MYBL2: variants seen among roughly 807,000 people sequenced by gnomAD.
The protein encoded by MYBL2 is myb-related protein B.
MYBL2 carries 28 observed loss-of-function variants against 79.9 expected under a neutral mutation model. The observed-to-expected ratio is 0.35, with a 90% CI of 0.26 to 0.48. The LOEUF (loss-of-function observed/expected upper bound fraction) is 0.48. Among genes scored for constraint, MYBL2 ranks in the 20% least tolerant of loss-of-function variants. MYBL2 has a pLI of 0.99. For missense variants in MYBL2, 735 were observed against 893.9 expected (o/e 0.82, Z 2.27); for synonymous variants, 378 against 361.2 (o/e 1.05, Z -0.53).
At chr20:43,692,440 G>A in intron 6 of MYBL2, 121 bp downstream of exon 6, 7 of 1,258,464 alleles carry the variant, frequency 5.6e-6, no homozygotes, top group Non-Finnish European at 7.7e-6. Context: ...AGTGGGCTCT[G>A]TGCTTCTGGG....
chr20:43,695,976 C>CT (rs1283812744), intron 6 of MYBL2, among the ~76,000 whole-genome samples: 2 of 152,058 alleles, frequency 1.3e-5, no homozygotes, highest in Non-Finnish European at 2.9e-5. Flanking sequence ...CGAGTTCGCA[C>CT]TGCTGCACTC....
At chr20:43,687,256 TG>T (rs1236154784) in intron 5 of MYBL2, among the ~76,000 whole-genome samples, 184 bp downstream of exon 5, 4 of 152,182 alleles carry the variant, frequency 2.6e-5, no homozygotes, top group African/African-American at 4.8e-5. Context: ...GGGAAGGCCC[TG>T]TCTTCTGTCA....
chr20:43,686,047 A>C (rs1987265470), intron 4 of MYBL2, among the ~76,000 whole-genome samples: 1 of 152,220 alleles, frequency 6.6e-6, no homozygotes, highest in Admixed American at 6.5e-5. Flanking sequence ...CAAAAAAAAT[A>C]AATAAAAAAT....
intron 2 of MYBL2, among the ~76,000 whole-genome samples, chr20:43,677,018 A>T (rs1053356663): frequency 6.6e-6 from 1 of 152,178 alleles, no homozygotes; most frequent in African/African-American, 2.4e-5. Flanking sequence ...TGTTGGGATT[A>T]CAGGCAGAAG....
At chr20:43,685,931 G>A (rs1251459455) in intron 4 of MYBL2, among the ~76,000 whole-genome samples, 1 of 152,110 alleles carries the variant, frequency 6.6e-6, no homozygotes, top group Non-Finnish European at 1.5e-5. Flanking sequence ...CAGCTACTTG[G>A]GAGGCTGAGG....
Position 43,711,602 on chromosome 20 carries a change from G to A in MYBL2, c.1719+1G>A. The A allele has an allele frequency of 6.2e-7, 1 of 1,610,840 alleles. No individual in the cohort carries two copies. The highest frequency in any genetic ancestry group is 8.5e-7 in the Non-Finnish European group (1 of 1,178,408). ...CGAGAAGCAGAAGAGGAAGCCTGGGGTGAGTAGGGTAGGGGTGGGAGAGCC... is the reference window on the plus strand; with the variant it reads ...CGAGAAGCAGAAGAGGAAGCCTGGGATGAGTAGGGTAGGGGTGGGAGAGCC... On this transcript the variant is annotated splice_donor_variant, in intron 11 of 13. Coordinates refer to ENST00000217026, the MANE Select transcript of MYBL2 (RefSeq NM_002466.4). LOFTEE classifies it high-confidence loss of function.
intron 9 of MYBL2, among the ~76,000 whole-genome samples, chr20:43,707,201 AAAAAG>A (rs1987811653): frequency 6.6e-6 from 1 of 151,404 alleles, no homozygotes; most frequent in Non-Finnish European, 1.5e-5. Context: ...TTTTTAAAAA[AAAAAG>A]AGAAAAAAGA....
In MYBL2 at chr20:43,673,788, G is replaced by A. The variant is rs764207763; in HGVS notation, c.21-18G>A. The A allele has an allele frequency of 8.3e-6, 13 of 1,571,800 alleles. No individual in the cohort carries two copies. The Admixed American group carries it at 2.0e-4, about 25-fold the overall frequency. On this transcript the variant is annotated intron_variant, in intron 1 of 13. Coordinates refer to ENST00000217026, the MANE Select transcript of MYBL2 (RefSeq NM_002466.4). ...TATGGACACACCATCCTTGACCCTTGGCCTGCTTTCCCCATAGCGAGGATC... is the reference window on the plus strand; with the variant it reads ...TATGGACACACCATCCTTGACCCTTAGCCTGCTTTCCCCATAGCGAGGATC...
intron 1 of MYBL2, among the ~76,000 whole-genome samples, chr20:43,668,093 G>A (rs1986765276): frequency 6.6e-6 from 1 of 152,010 alleles, no homozygotes; most frequent in African/African-American, 2.4e-5. Flanking sequence ...TGCGCCTGGG[G>A]CCTGAGCTCC....
intron 1 of MYBL2, among the ~76,000 whole-genome samples, chr20:43,668,237 G>A (rs1249230763): frequency 2.2e-5 from 3 of 134,428 alleles, no homozygotes; most frequent in Non-Finnish European, 3.1e-5. Context: ...GTCTCGCTCT[G>A]ATGCCCAGGC....
chr20:43,672,555 A>G (rs562162800), intron 1 of MYBL2, among the ~76,000 whole-genome samples: 3 of 152,168 alleles, frequency 2.0e-5, no homozygotes, highest in Non-Finnish European at 4.4e-5. Flanking sequence ...AGATGAGCCT[A>G]GGCAAAATAG....
At position 43,699,690 on chromosome 20, in the gene MYBL2, T is replaced by C. The variant is rs1987635722; in HGVS notation, c.664-67T>C. ...CTTCTTAGATTCAGGTTGTGTGGTTTAGCTGGAAACTACTATATAGTCTAT... is the reference window on the plus strand; with the variant it reads ...CTTCTTAGATTCAGGTTGTGTGGTTCAGCTGGAAACTACTATATAGTCTAT... On this transcript the variant is annotated intron_variant, in intron 6 of 13. Coordinates refer to ENST00000217026, the MANE Select transcript of MYBL2 (RefSeq NM_002466.4). 6.6e-6 allele frequency: 10 copies of C among 1,514,672 alleles called. No individual in the cohort carries two copies. The South Asian group carries it at 1.3e-4, about 19-fold the overall frequency. 93.8% of individuals were successfully genotyped at this position (1,514,672 alleles called of 1,614,324 possible).
At chr20:43,677,419 TA>T (rs1190023915) in intron 2 of MYBL2, among the ~76,000 whole-genome samples, 1 of 152,102 alleles carries the variant, frequency 6.6e-6, no homozygotes, top group African/African-American at 2.4e-5. Context: ...TAAGGAAACT[TA>T]TGTGGAGAAA....
chr20:43,674,995 T>C (rs1221446368), intron 2 of MYBL2, among the ~76,000 whole-genome samples: 1 of 152,202 alleles, frequency 6.6e-6, no homozygotes, highest in Non-Finnish European at 1.5e-5. Flanking sequence ...TTTTAATTCC[T>C]TTTTGAGACA....
At chr20:43,680,602 A>G (rs537985362) in intron 2 of MYBL2, among the ~76,000 whole-genome samples, 24 of 151,778 alleles carry the variant, frequency 1.6e-4, no homozygotes, top group East Asian at 3.9e-4. Flanking sequence ...GGTTCAAGCA[A>G]TTCTTCCTCA....
chr20:43,683,416 G>C (rs1987189039), intron 4 of MYBL2, among the ~76,000 whole-genome samples: 1 of 152,108 alleles, frequency 6.6e-6, no homozygotes, highest in South Asian at 2.1e-4. Context: ...ACCTAGAAGA[G>C]GCAATAAGTG....
At chr20:43,686,807 A>C in intron 4 of MYBL2, 45 bp from the exon 5 acceptor site, 1 of 1,588,398 alleles carries the variant, frequency 6.3e-7, no homozygotes, top group Non-Finnish European at 8.6e-7. Flanking sequence ...GGTGGGGGCG[A>C]GAGAGGGGCC....
chr20:43,706,466 G>C (rs1987784929), intron 9 of MYBL2, among the ~76,000 whole-genome samples: 3 of 152,198 alleles, frequency 2.0e-5, no homozygotes, highest in South Asian at 4.1e-4. Flanking sequence ...TGATACATTT[G>C]CTGGAGGAGG....
intron 9 of MYBL2, among the ~76,000 whole-genome samples, chr20:43,708,170 G>A (rs1160966690): frequency 6.6e-6 from 1 of 152,142 alleles, no homozygotes; most frequent in Non-Finnish European, 1.5e-5. Flanking sequence ...TGTGATCATG[G>A]CCCACTGCAA....
Sources: allele counts gnomAD v4.1 joint callset (sites outside exome capture counted in the v4.1 genomes callset), GRCh38; gene constraint gnomAD v4.1.1; transcripts MANE v1.5; gene names NCBI Gene and HGNC (gene_info 2026-07-23, HGNC 2026-07-21).